NETO2: variants seen among roughly 807,000 people sequenced by gnomAD.
NETO2 encodes the protein neuropilin and tolloid like 2.
A neutral mutation model predicts 62.5 loss-of-function variants in NETO2; 28 were observed. The observed-to-expected ratio is 0.45, with a 90% CI of 0.33 to 0.61. The LOEUF is 0.61. Ranked by LOEUF, NETO2 falls within the 20% of genes least tolerant of loss-of-function variation. The pLI, the probability that NETO2 is intolerant of heterozygous loss-of-function variation, is 0.02. For missense variants in NETO2, 548 were observed against 643.2 expected (o/e 0.85, Z 1.60); for synonymous variants, 214 against 219.1 (o/e 0.98, Z 0.21).
chr16:47,094,023 G>A (rs1490419624), intron 7 of NETO2, among the ~76,000 whole-genome samples: 1 of 152,102 alleles, frequency 6.6e-6, no homozygotes, highest in Non-Finnish European at 1.5e-5. Flanking sequence ...CTATATCTGG[G>A]CAGTTCAGAT....
intron 5 of NETO2, 30 bp downstream of exon 5, chr16:47,122,838 C>A (rs761313329): frequency 1.9e-6 from 3 of 1,613,534 alleles, no homozygotes; most frequent in Non-Finnish European, 2.5e-6. Context: ...ATCAAAAATG[C>A]CAAGAGGAAC....
rs572201348 is a variant in NETO2 at position 47,081,873 on chromosome 16, A to C, written c.*1348T>G. 3 of 152,690 alleles carry C rather than the reference A, an allele frequency of 2.0e-5. No homozygotes were observed. Among genetic ancestry groups the C allele is most frequent in the Admixed American group, 2.0e-4 (3 of 15,304 alleles). 9.5% of individuals were successfully genotyped at this position (152,690 alleles called of 1,614,324 possible). ...ATCACACAGTGAAAAATTTATCACA[A>C]ACTAAATACAGTAACAAAAGGAAAG... On this transcript the variant is annotated 3_prime_UTR_variant, in exon 9 of 9. Coordinates refer to ENST00000562435, the MANE Select transcript of NETO2 (RefSeq NM_018092.5).
intron 1 of NETO2, among the ~76,000 whole-genome samples, chr16:47,143,109 G>C (rs1318663297): frequency 6.6e-6 from 1 of 152,060 alleles, no homozygotes; most frequent in Non-Finnish European, 1.5e-5. Context: ...GCGCCGCGGG[G>C]CTATTCGAAA....
intron 2 of NETO2, among the ~76,000 whole-genome samples, chr16:47,129,689 T>C (rs1319196853): frequency 6.6e-6 from 1 of 152,098 alleles, no homozygotes; most frequent in Non-Finnish European, 1.5e-5. Context: ...AATAAAGGCA[T>C]CCCAGGAGCT....
intron 6 of NETO2, among the ~76,000 whole-genome samples, chr16:47,122,430 T>TATA (rs1431615941): frequency 6.6e-6 from 1 of 152,226 alleles, no homozygotes; most frequent in Non-Finnish European, 1.5e-5. Flanking sequence ...AATCTTAATA[T>TATA]ATATGTAATA....
At chr16:47,140,472 T>A (rs1051650252) in intron 1 of NETO2, among the ~76,000 whole-genome samples, 6 of 152,230 alleles carry the variant, frequency 3.9e-5, no homozygotes, top group African/African-American at 9.6e-5. Context: ...CTATCTTTTC[T>A]AAAAAGGACT....
At chr16:47,136,475 T>C (rs1481112031) in intron 1 of NETO2, among the ~76,000 whole-genome samples, 3 of 152,240 alleles carry the variant, frequency 2.0e-5, no homozygotes, top group Admixed American at 6.5e-5. Context: ...TGGCGTGATT[T>C]TGGCTCACTT....
chr16:47,119,030 GTTTC>G (rs1963982185), intron 6 of NETO2, among the ~76,000 whole-genome samples: 2 of 151,836 alleles, frequency 1.3e-5, no homozygotes, highest in African/African-American at 2.4e-5. Flanking sequence ...GAAAGAAACA[GTTTC>G]TTTCCTTTTT....
rs968611501 is a variant in NETO2 at position 47,081,872 on chromosome 16, A to C, written c.*1349T>G. ...TATCACACAGTGAAAAATTTATCAC[A>C]AACTAAATACAGTAACAAAAGGAAA... On this transcript the variant is annotated 3_prime_UTR_variant, in exon 9 of 9. Transcript: ENST00000562435. The C allele has an allele frequency of 2.0e-5, 3 of 152,592 alleles. No homozygotes were observed. The highest frequency in any genetic ancestry group is 7.2e-5 in the African/African-American group (3 of 41,458). 9.5% of individuals were successfully genotyped at this position (152,592 alleles called of 1,614,324 possible).
intron 7 of NETO2, among the ~76,000 whole-genome samples, chr16:47,097,259 C>T (rs920708657): frequency 5.9e-5 from 9 of 152,290 alleles, no homozygotes; most frequent in South Asian, 2.1e-4. Context: ...GCCCTTCAGA[C>T]GAAGATGCAC....
chr16:47,126,490 G>A (rs1036508781), intron 4 of NETO2, among the ~76,000 whole-genome samples: 1 of 152,210 alleles, frequency 6.6e-6, no homozygotes, highest in African/African-American at 2.4e-5. Flanking sequence ...GGGACCAACA[G>A]GCAGAGCACG....
rs984211750 is a variant in NETO2 at position 47,082,149 on chromosome 16, A to G, written c.*1072T>C. On this transcript the variant is annotated 3_prime_UTR_variant, in exon 9 of 9. Transcript: ENST00000562435. ...AAAAGTCAAAAGTGCAGTTTAAAAA[A>G]AAGTGGAAGTTGTTATTCTTGATAA... is the stretch of plus-strand genomic sequence containing the variant. The G allele has an allele frequency of 3.9e-5, 6 of 152,652 alleles. No homozygotes were observed. The highest frequency in any genetic ancestry group is 1.4e-4 in the African/African-American group (6 of 41,470). The allele number at this position is 152,652 out of a possible 1,614,324, so 9.5% of individuals were successfully genotyped here.
chr16:47,084,932 C>G (rs1284306014), intron 8 of NETO2, among the ~76,000 whole-genome samples: 1 of 152,094 alleles, frequency 6.6e-6, no homozygotes, highest in Non-Finnish European at 1.5e-5. Flanking sequence ...ATAAATGTAA[C>G]GCGCTTAAAT....
chr16:47,131,072 C>G (rs1405183896), intron 2 of NETO2, among the ~76,000 whole-genome samples: 1 of 128,362 alleles, frequency 7.8e-6, no homozygotes, highest in East Asian at 2.3e-4. Flanking sequence ...AAAATTAAAA[C>G]AGAAAAAAAA....
At chr16:47,121,879 C>T (rs1964047562) in intron 6 of NETO2, among the ~76,000 whole-genome samples, 1 of 152,180 alleles carries the variant, frequency 6.6e-6, no homozygotes, top group East Asian at 1.9e-4. Context: ...GGAGCTTACA[C>T]ATATGCTTTT....
At chr16:47,095,900 G>A (rs1295054486) in intron 7 of NETO2, among the ~76,000 whole-genome samples, 1 of 152,094 alleles carries the variant, frequency 6.6e-6, no homozygotes, top group South Asian at 2.1e-4. Context: ...AATAGACTAC[G>A]TATGTTCAGC....
Position 47,091,258 on chromosome 16 carries a change from A to G in NETO2, c.884-4919T>C, listed in dbSNP as rs560961813. Among the ~76,000 whole-genome samples, 236 of 152,318 alleles carry G rather than the reference A, an allele frequency of 1.5e-3. 1 individual carries two copies. The highest frequency in any genetic ancestry group is 2.5e-3 in the Non-Finnish European group (171 of 68,020). On this transcript the variant is annotated intron_variant, in intron 7 of 8. Transcript: ENST00000562435. ...AAGTTAAATCTATTGCAGCCTTACA[A>G]TTTAAACTTATTCTTACATTTGGTG...
intron 7 of NETO2, among the ~76,000 whole-genome samples, chr16:47,092,611 A>T (rs1963336012): frequency 6.6e-6 from 1 of 152,216 alleles, no homozygotes; most frequent in Non-Finnish European, 1.5e-5. Context: ...GAAGGCTAAA[A>T]GCCTTTCTTG....
intron 6 of NETO2, among the ~76,000 whole-genome samples, chr16:47,118,139 G>C (rs1250916425): frequency 1.3e-5 from 2 of 151,190 alleles, no homozygotes; most frequent in Non-Finnish European, 2.9e-5. Context: ...TTTGTTATTT[G>C]TTTTGGTTCT....
Sources: gnomAD v4.1 joint callset for allele counts (sites outside exome capture counted in the v4.1 genomes callset) on GRCh38, gnomAD v4.1.1 for gene constraint, MANE v1.5 for transcripts, NCBI Gene and HGNC (gene_info 2026-07-23, HGNC 2026-07-21) for gene names.